Variants in CCDC180 observed in about 807,000 individuals in gnomAD.
CCDC180 encodes the protein coiled-coil domain-containing protein 180.
In CCDC180, 154 loss-of-function variants were observed where a neutral mutation model predicts 209.2. The ratio of observed to expected loss-of-function variants is 0.74; its 90% CI spans 0.65 to 0.84. CCDC180 has a LOEUF of 0.84. Ranked by LOEUF, CCDC180 falls within the 40% of genes least tolerant of loss-of-function variation. The pLI is 0.00. For synonymous variants in CCDC180, 778 were observed against 749.1 expected, an observed-to-expected ratio of 1.04 and a Z score of -0.63; for missense variants, 1,874 against 1,997.3, an observed-to-expected ratio of 0.94 and a Z score of 1.18.
At chr9:97,364,458 C>T (rs1205317062) in intron 29 of CCDC180, 2 of 291,946 alleles carry the variant, frequency 6.9e-6, no homozygotes, top group Non-Finnish European at 1.3e-5. Context: ...ATTGTAACTC[C>T]AGTGATTAAA....
In CCDC180 at chr9:97,371,641, C is replaced by G. The variant is rs764932530; in HGVS notation, c.4535C>G (p.Thr1512Ser). Residue 1512 changes from threonine (T) to serine (S), a missense_variant, in exon 34 of 37, where the codon ACC becomes AGC. Transcript: ENST00000529487. Reference sequence around the variant, plus strand: ...CAGGTTTTCATAACCAACTTGGCCACCTTCACCGAGAAGTTCCTACTGCAG... The same window carrying G: ...CAGGTTTTCATAACCAACTTGGCCAGCTTCACCGAGAAGTTCCTACTGCAG... ...NGQVFITNLA[T>S]FTEKFLLQLD... The G allele has an allele frequency of 1.9e-5, 31 of 1,608,500 alleles. No individual in the cohort carries two copies. In the East Asian group the frequency reaches 6.9e-4, roughly 36 times the overall value.
At chr9:97,334,037 G>A (rs1305830319) in intron 18 of CCDC180, among the ~76,000 whole-genome samples, 1 of 151,786 alleles carries the variant, frequency 6.6e-6, no homozygotes, top group East Asian at 1.9e-4. Context: ...ATTGTTAAGT[G>A]AAATAATAAC....
At chr9:97,353,140 G>A (rs1028227512) in intron 22 of CCDC180, among the ~76,000 whole-genome samples, 2 of 152,122 alleles carry the variant, frequency 1.3e-5, no homozygotes, top group Non-Finnish European at 2.9e-5. Context: ...GGGACTAGAG[G>A]CATGTGCCAC....
chr9:97,359,629 A>G (rs903603911), intron 25 of CCDC180, among the ~76,000 whole-genome samples: 2 of 152,152 alleles, frequency 1.3e-5, no homozygotes, highest in African/African-American at 4.8e-5. Flanking sequence ...ATAGAATGTG[A>G]GAGCCAGAGG....
At chr9:97,357,842 G>A (rs529559490) in intron 25 of CCDC180, 117 bp downstream of exon 25, 6 of 756,730 alleles carry the variant, frequency 7.9e-6, no homozygotes, top group African/African-American at 1.8e-5. Flanking sequence ...TTGGCGGGGT[G>A]GGGGGACATC....
chr9:97,338,980 C>T (rs1825993235), intron 18 of CCDC180, among the ~76,000 whole-genome samples: 1 of 152,050 alleles, frequency 6.6e-6, no homozygotes, highest in South Asian at 2.1e-4. Flanking sequence ...AGGATTGTAA[C>T]CCCTGCTTTT....
intron 36 of CCDC180, chr9:97,376,232 G>A (rs1211004064): frequency 1.3e-5 from 2 of 156,682 alleles, no homozygotes; most frequent in Admixed American, 1.2e-4. Flanking sequence ...TTGAAGATCT[G>A]TGGACCTTTG....
Position 97,362,309 on chromosome 9 carries a change from C to CTG in CCDC180, c.3775_3776dup (p.Ser1260AlafsTer76), listed in dbSNP as rs1487852488. On this transcript the variant is annotated frameshift_variant, in exon 28 of 37. Coordinates refer to ENST00000529487, the MANE Select transcript of CCDC180 (RefSeq NM_020893.6). LOFTEE classifies it high-confidence loss of function. ...AGCAGTGAGGCAGGGGCTGGTGGTGCTGTGTGCTCACCTCCTGTCCTCTGC... is the reference window on the plus strand; with the variant it reads ...AGCAGTGAGGCAGGGGCTGGTGGTGCTGTGTGTGCTCACCTCCTGTCCTCTGC... 6 of 1,614,054 alleles carry CTG rather than the reference C, an allele frequency of 3.7e-6. No homozygotes were observed. The highest frequency in any genetic ancestry group is 4.2e-6 in the Non-Finnish European group (5 of 1,180,044).
rs562499876 is a variant in CCDC180 at position 97,322,792 on chromosome 9, C to T, written c.1160-41C>T. The T allele has an allele frequency of 1.5e-5, 24 of 1,575,662 alleles. No homozygotes were observed. In the African/African-American group the frequency reaches 2.8e-4, roughly 19 times the overall value. On this transcript the variant is annotated intron_variant, in intron 11 of 36. Coordinates refer to ENST00000529487, the MANE Select transcript of CCDC180 (RefSeq NM_020893.6). ...GGGACACTCCCCTTTCTAATCTTCT[C>T]TTCCTTCTGGACTGATTTGCTTTGT...
chr9:97,307,392 C>A, upstream of CCDC180: 1 of 531,002 alleles, frequency 1.9e-6, no homozygotes. Context: ...CAGGCGGGGA[C>A]GCGGCCAGGC....
At chr9:97,308,212 C>G in intron 2 of CCDC180, 80 bp downstream of exon 2, 1 of 1,312,726 alleles carries the variant, frequency 7.6e-7, no homozygotes, top group Non-Finnish European at 1.0e-6. Context: ...CCCAGGGCTT[C>G]CCTACTGGAA....
chr9:97,373,656 A>G (rs572101882), intron 34 of CCDC180: 5 of 152,248 alleles, frequency 3.3e-5, no homozygotes, highest in African/African-American at 1.2e-4. Context: ...TCCCTTTGCT[A>G]TTGAACTTTG....
At chr9:97,362,979 A>G (rs1245233698) in intron 28 of CCDC180, among the ~76,000 whole-genome samples, 21 of 152,240 alleles carry the variant, frequency 1.4e-4, no homozygotes, top group Non-Finnish European at 1.5e-5. Flanking sequence ...AACAAAGACC[A>G]GCCACATGAG....
intron 24 of CCDC180, among the ~76,000 whole-genome samples, chr9:97,355,886 C>A (rs1012935390): frequency 6.6e-6 from 1 of 152,092 alleles, no homozygotes; most frequent in Non-Finnish European, 1.5e-5. Flanking sequence ...ATCCAGGGGG[C>A]TGGAGCCCAG....
At chr9:97,342,985 A>G (rs866988746) in intron 18 of CCDC180, among the ~76,000 whole-genome samples, 4 of 152,230 alleles carry the variant, frequency 2.6e-5, no homozygotes, top group African/African-American at 9.6e-5. Context: ...CCCAAACTCA[A>G]ATGCCCACAG....
chr9:97,348,877 C>T lies in CCDC180; in HGVS notation c.2675-234C>T, dbSNP rs1177298945. Among the ~76,000 whole-genome samples the T allele has an allele frequency of 5.9e-5, 9 of 152,300 alleles. No homozygotes were observed. The East Asian group carries it at 1.7e-3, about 29-fold the overall frequency. ...ACTCTCCATCTTCCTGGCTGTGTTC[C>T]CTCTGCTCCGGGCAGGGTGTCTCCA... On this transcript the variant is annotated intron_variant, in intron 20 of 36. Coordinates refer to ENST00000529487, the MANE Select transcript of CCDC180 (RefSeq NM_020893.6).
At chr9:97,352,003 C>G (rs1313165979) in intron 22 of CCDC180, among the ~76,000 whole-genome samples, 7 of 152,174 alleles carry the variant, frequency 4.6e-5, no homozygotes, top group African/African-American at 1.7e-4. Context: ...ATCCCAGGTA[C>G]TTGGGAGGCT....
chr9:97,364,058 C>G lies in CCDC180; in HGVS notation c.3910C>G (p.Pro1304Ala). 1.2e-6 allele frequency: 2 copies of G among 1,614,160 alleles called. No individual in the cohort carries two copies. Among genetic ancestry groups the G allele is most frequent in the Non-Finnish European group, 1.7e-6 (2 of 1,180,012 alleles). Residue 1304 changes from proline to alanine, a missense_variant, in exon 29 of 37, where the codon CCG (proline) becomes GCG (alanine). Pro to Ala is a conservative substitution (Grantham distance 27). Coordinates refer to ENST00000529487, the MANE Select transcript of CCDC180 (RefSeq NM_020893.6). ...CCCACCTTTGTCCCACAGCTTCACA[C>G]CGCACCCCAAGCCCAACAAAATGGA... ...ASATSAGSFT[P>A]HPKPNKMERK...
intron 16 of CCDC180, among the ~76,000 whole-genome samples, chr9:97,328,986 T>G (rs1825647100): frequency 3.3e-5 from 5 of 152,182 alleles, no homozygotes. Context: ...CCCCCAGAGT[T>G]TGGCTCTTTT....
Sources: allele counts gnomAD v4.1 joint callset (sites outside exome capture counted in the v4.1 genomes callset), GRCh38; gene constraint gnomAD v4.1.1; transcripts MANE v1.5; gene names NCBI Gene and HGNC (gene_info 2026-07-23, HGNC 2026-07-21).